The following CREBZF variants were observed in gnomAD, a reference collection of about 807,000 sequenced individuals.
The protein encoded by CREBZF is HCF-binding transcription factor Zhangfei.
In CREBZF, 8 loss-of-function variants were observed where a neutral mutation model predicts 21.1. The ratio of observed to expected loss-of-function variants is 0.38; its 90% confidence interval spans 0.22 to 0.68. The LOEUF (loss-of-function observed/expected upper bound fraction) is 0.68, where lower values mean the gene tolerates loss of function less well. Ranked by LOEUF, CREBZF falls within the 30% of genes least tolerant of loss-of-function variation. The pLI is 0.51. For missense variants in CREBZF, 518 were observed against 484.3 expected (o/e 1.07, Z -0.65); for synonymous variants, 270 against 223.3 (o/e 1.21, Z -1.86).
In CREBZF at chr11:85,663,840, G is replaced by C. The variant is rs2082761398; in HGVS notation, c.1036C>G (p.Arg346Gly). Reference protein sequence around the residue: ...VSVEFCSACARKASSSLKM With the variant: ...VSVEFCSACAGKASSSLKM ...ATTTTAAGAGAAGACGACGCCTTCC[G>C]GGCGCACGCCGAGCAGAACTCCACC... Residue 346 changes from arginine to glycine, a missense_variant, in exon 1 of 1, where the codon CGG becomes GGG. Arg to Gly is a moderately radical substitution (Grantham distance 125). Around this residue, in one of 3 missense-constraint regions of CREBZF, gnomAD observed 114 missense variants for 134.1 expected, o/e 0.85. Coordinates refer to ENST00000527447, the MANE Select transcript of CREBZF (RefSeq NM_001039618.4). 6.2e-7 allele frequency: 1 copy of C among 1,604,112 alleles called. No individual in the cohort carries two copies. Among genetic ancestry groups the C allele is most frequent in the Non-Finnish European group, 8.5e-7 (1 of 1,177,426 alleles).
In CREBZF at chr11:85,664,219, G is replaced by A. The variant is rs898184385; in HGVS notation, c.657C>T (p.Arg219=). 1 of 1,612,760 alleles carries A rather than the reference G, an allele frequency of 6.2e-7. No homozygotes were observed. The highest frequency in any genetic ancestry group is 1.3e-5 in the African/African-American group (1 of 74,962). Residue 219 remains arginine, a synonymous_variant, in exon 1 of 1, where the codon CGC becomes CGT. Coordinates refer to ENST00000527447, the MANE Select transcript of CREBZF (RefSeq NM_001039618.4). The surrounding 1 kb of genome is among the most constrained non-coding windows in gnomAD (Gnocchi z 5.5). The part of the protein sequence containing the change: ...SPRKAAAAAA[R]LNRLKKKEYV... ...ACTCCTTCTTCTTCAGTCGATTAAG[G>A]CGGGCAGCGGCCGCCGCCGCCTTCC...
At chr11:85,670,511 C>A (rs1365361219) in intron 1 of CREBZF, among the ~76,000 whole-genome samples, 1 of 151,978 alleles carries the variant, frequency 6.6e-6, no homozygotes, top group Admixed American at 6.6e-5. Flanking sequence ...ACCATGTTAG[C>A]CAGGATGGTC....
In CREBZF at chr11:85,662,214, T is replaced by C. The variant is rs1210823746; in HGVS notation, c.*1597A>G. ...TTATCTAGCAACAAAACATTTACAG[T>C]TGTGCAAGAACAAGGATTCCATTTT... On this transcript the variant is annotated 3_prime_UTR_variant, in exon 1 of 1. Transcript: ENST00000527447. 3.7e-5 allele frequency: 21 copies of C among 574,140 alleles called. No individual in the cohort carries two copies. Among genetic ancestry groups the C allele is most frequent in the Middle Eastern group, 4.6e-4 (1 of 2,174 alleles). The allele number at this position is 574,140 out of a possible 1,614,324, so 35.6% of individuals were successfully genotyped here.
In CREBZF at chr11:85,658,453, TAA is replaced by T. The variant is rs2082579582; in HGVS notation, c.*5356_*5357del. ...GGGCAACATAAGCAATAAATCATGT[TAA>T]GTCTGTTGCTACAAATTTACTTTGC... On this transcript the variant is annotated 3_prime_UTR_variant, in exon 1 of 1. Coordinates refer to ENST00000527447, the MANE Select transcript of CREBZF (RefSeq NM_001039618.4). Among the ~76,000 whole-genome samples the T allele has an allele frequency of 6.6e-6, 1 of 152,036 alleles. No homozygotes were observed. Among genetic ancestry groups the T allele is most frequent in the Admixed American group, 6.5e-5 (1 of 15,272 alleles).
In CREBZF at chr11:85,664,467, A is replaced by G; in HGVS notation, c.409T>C (p.Ser137Pro). The G allele has an allele frequency of 6.2e-7, 1 of 1,613,468 alleles. No individual in the cohort carries two copies. The highest frequency in any genetic ancestry group is 8.5e-7 in the Non-Finnish European group (1 of 1,179,876). Residue 137 changes from serine (S) to proline (P), a missense_variant, in exon 1 of 1, where the codon TCG becomes CCG. Around this residue, in one of 3 missense-constraint regions of CREBZF, gnomAD observed 396 missense variants for 324.4 expected, o/e 1.22. Coordinates refer to ENST00000527447, the MANE Select transcript of CREBZF (RefSeq NM_001039618.4). This position sits in a 1 kb window ranked among gnomAD's most constrained non-coding sequence, Gnocchi z 5.5. The part of the protein sequence containing the change: ...PGPLSSSGGG[S>P]DSGGLWRGDD... ...CCTCTCCACAGGCCGCCGCTATCCGAGCCTCCGCCAGACGAGGAGAGAGGC... is the reference window on the plus strand; with the variant it reads ...CCTCTCCACAGGCCGCCGCTATCCGGGCCTCCGCCAGACGAGGAGAGAGGC...
rs2082576805 is a variant in CREBZF at position 85,658,370 on chromosome 11, T to A, written c.*5441A>T. Among the ~76,000 whole-genome samples the A allele has an allele frequency of 6.6e-6, 1 of 152,076 alleles. No individual in the cohort carries two copies. Among genetic ancestry groups the A allele is most frequent in the African/African-American group, 2.4e-5 (1 of 41,454 alleles). ...CAATGGTTTCTGTAACCAAAAAGTA[T>A]TTCTAATATCTGTCCTCTGCCACAT... On this transcript the variant is annotated 3_prime_UTR_variant, in exon 1 of 1. Coordinates refer to ENST00000527447, the MANE Select transcript of CREBZF (RefSeq NM_001039618.4).
At position 85,676,970 on chromosome 11, in the gene CREBZF, C is replaced by CTTTTTTTTTTTTTTTTTTTTTTTTT. The variant is rs1422368391; in HGVS notation, n.147+5746_147+5747insAAAAAAAAAAAAAAAAAAAAAAAAA. On this transcript the variant is annotated intron_variant and non_coding_transcript_variant, in intron 1 of 3. Coordinates refer to the CREBZF transcript ENST00000531515. ...TAAAGTAATTTTTTTCTTTTTCTGTCTTTTTTTTTTTGAGACAGAATGTCA... is the reference window on the plus strand; with the variant it reads ...TAAAGTAATTTTTTTCTTTTTCTGTCTTTTTTTTTTTTTTTTTTTTTTTTTTTTTTTTTTTTGAGACAGAATGTCA... Among the ~76,000 whole-genome samples the CTTTTTTTTTTTTTTTTTTTTTTTTT allele has an allele frequency of 8.4e-5, 10 of 118,636 alleles. 1 individual carries two copies. The highest frequency in any genetic ancestry group is 8.4e-5 in the Non-Finnish European group (5 of 59,420). The allele number at this position is 118,636 out of a possible 152,430, so 77.8% of individuals were successfully genotyped here.
chr11:85,658,264 A>G lies in CREBZF; in HGVS notation c.*5547T>C, dbSNP rs905174873. On this transcript the variant is annotated 3_prime_UTR_variant, in exon 1 of 1. Transcript: ENST00000527447. Reference sequence around the variant, plus strand: ...TAAGTTCTTTGACGATTGAGCACACATTGTTTCCTTACTTATCTTTAAACA... The same window carrying G: ...TAAGTTCTTTGACGATTGAGCACACGTTGTTTCCTTACTTATCTTTAAACA... Among the ~76,000 whole-genome samples the G allele has an allele frequency of 2.0e-5, 3 of 152,034 alleles. No homozygotes were observed. Among genetic ancestry groups the G allele is most frequent in the Non-Finnish European group, 4.4e-5 (3 of 67,892 alleles).
rs2082768392 is a variant in CREBZF, at chr11:85,663,994, C to T, written c.882G>A (p.Ser294=). 9.3e-6 allele frequency: 15 copies of T among 1,612,844 alleles called. No individual in the cohort carries two copies. Among genetic ancestry groups the T allele is most frequent in the Non-Finnish European group, 1.3e-5 (15 of 1,179,914 alleles). The change falls in exon 1 of 1, where the codon TCG becomes TCA. Residue 294 remains serine (S), a synonymous_variant. Coordinates refer to ENST00000527447, the MANE Select transcript of CREBZF (RefSeq NM_001039618.4). ...CACCGGCGGGCGAGTCTCTGAAGAG[C>T]GAGGTGGTCAGCCGCAGTCCCACGC... ...LSGVGLRLTT[S]LFRDSPAGDH...
intron 1 of CREBZF, among the ~76,000 whole-genome samples, chr11:85,674,455 C>T (rs2082930423): frequency 6.6e-6 from 1 of 152,188 alleles, no homozygotes; most frequent in Non-Finnish European, 1.5e-5. Flanking sequence ...GTCATTCAGG[C>T]TTTGTCATTC....
Position 85,662,438 on chromosome 11 carries a change from T to C in CREBZF, c.*1373A>G, listed in dbSNP as rs2082711976. On this transcript the variant is annotated 3_prime_UTR_variant, in exon 1 of 1. Coordinates refer to ENST00000527447, the MANE Select transcript of CREBZF (RefSeq NM_001039618.4). ...GGCCAGCAGCTGGTCCCGTCTCTTC[T>C]GCCCCAACAGCTGTATCCACTTTAG... The C allele has an allele frequency of 1.4e-6, 1 of 717,244 alleles. No homozygotes were observed. Among genetic ancestry groups the C allele is most frequent in the Non-Finnish European group, 2.6e-6 (1 of 384,890 alleles). 44.4% of individuals were successfully genotyped at this position (717,244 alleles called of 1,614,324 possible).
Position 85,664,228 on chromosome 11 carries a change from G to T in CREBZF, c.648C>A (p.Ala216=). 1.2e-6 allele frequency: 2 copies of T among 1,612,456 alleles called. No homozygotes were observed. Among genetic ancestry groups the T allele is most frequent in the Non-Finnish European group, 1.7e-6 (2 of 1,179,734 alleles). The change falls in exon 1 of 1, where the codon GCC becomes GCA. Residue 216 remains alanine (A), a synonymous_variant. Coordinates refer to ENST00000527447, the MANE Select transcript of CREBZF (RefSeq NM_001039618.4). The surrounding 1 kb of genome is among the most constrained non-coding windows in gnomAD (Gnocchi z 5.5). The part of the protein sequence containing the change: ...ATKSPRKAAA[A]AARLNRLKKK... Reference sequence around the variant, plus strand: ...TCTTCAGTCGATTAAGGCGGGCAGCGGCCGCCGCCGCCTTCCGGGGACTCT... The same window carrying T: ...TCTTCAGTCGATTAAGGCGGGCAGCTGCCGCCGCCGCCTTCCGGGGACTCT...
chr11:85,663,546 T>C lies in CREBZF; in HGVS notation c.*265A>G. ...TACCAGGTTGTGAGGCGGGAACGACTGTTCTGTAACCCCTACAACGGAGCC... is the reference window on the plus strand; with the variant it reads ...TACCAGGTTGTGAGGCGGGAACGACCGTTCTGTAACCCCTACAACGGAGCC... On this transcript the variant is annotated 3_prime_UTR_variant, in exon 1 of 1. Transcript: ENST00000527447. 1 of 1,345,890 alleles carries C rather than the reference T, an allele frequency of 7.4e-7. No individual in the cohort carries two copies. The highest frequency in any genetic ancestry group is 1.0e-6 in the Non-Finnish European group (1 of 960,228). 83.4% of individuals were successfully genotyped at this position (1,345,890 alleles called of 1,614,324 possible).
At position 85,663,335 on chromosome 11, in the gene CREBZF, G is replaced by A. The variant is rs1591479225; in HGVS notation, c.*476C>T. ...ATTAATAGCTATTTCAACCAGAAGA[G>A]GCATCTTAAATACATTCTTGACCAG... is the stretch of plus-strand genomic sequence containing the variant. On this transcript the variant is annotated 3_prime_UTR_variant, in exon 1 of 1. Transcript: ENST00000527447. The A allele has an allele frequency of 1.7e-6, 1 of 605,908 alleles. No individual in the cohort carries two copies. Among genetic ancestry groups the A allele is most frequent in the Admixed American group, 2.9e-5 (1 of 33,902 alleles). 37.5% of individuals were successfully genotyped at this position (605,908 alleles called of 1,614,324 possible). A position where few individuals can be genotyped will look rare whatever the true frequency, so the allele number is the denominator to read the frequency against.
Position 85,661,373 on chromosome 11 carries a change from A to T in CREBZF, c.*2438T>A, listed in dbSNP as rs1279686194. 1.3e-5 allele frequency: 2 copies of T among 152,596 alleles called. No individual in the cohort carries two copies. The highest frequency in any genetic ancestry group is 2.4e-5 in the African/African-American group (1 of 41,466). 9.5% of individuals were successfully genotyped at this position (152,596 alleles called of 1,614,324 possible). A position where few individuals can be genotyped will look rare whatever the true frequency, so the allele number is the denominator to read the frequency against. ...ACTGAGAAAAGACAGTTAATAAAAC[A>T]TAAGGAACCTAACAAAGCAGCTTTA... is the stretch of plus-strand genomic sequence containing the variant. On this transcript the variant is annotated 3_prime_UTR_variant, in exon 1 of 1. Coordinates refer to ENST00000527447, the MANE Select transcript of CREBZF (RefSeq NM_001039618.4).
chr11:85,666,134 T>C (rs1272404882), upstream of CREBZF, among the ~76,000 whole-genome samples: 2 of 152,220 alleles, frequency 1.3e-5, no homozygotes, highest in African/African-American at 4.8e-5. Context: ...GTTTTCCCAC[T>C]GAAATGCTCC....
Position 85,664,665 on chromosome 11 carries a change from C to A in CREBZF, c.211G>T (p.Gly71Cys), listed in dbSNP as rs1381461910. Reference sequence around the variant, plus strand: ...GAGGGCGCGCGCACGGCCACGCCGCCGCGGCTCCCCCTCCCGGCTTCCAAC... The same window carrying A: ...GAGGGCGCGCGCACGGCCACGCCGCAGCGGCTCCCCCTCCCGGCTTCCAAC... ...GELEAGRGSR[G>C]GVAVRAPSPE... Residue 71 changes from glycine (G) to cysteine (C), a missense_variant, in exon 1 of 1, where the codon GGC (glycine) becomes TGC (cysteine). This residue lies in a region of CREBZF where 396 missense variants were observed against 324.4 expected (regional missense o/e 1.22). Coordinates refer to ENST00000527447, the MANE Select transcript of CREBZF (RefSeq NM_001039618.4). This position sits in a 1 kb window ranked among gnomAD's most constrained non-coding sequence, Gnocchi z 5.5. 1 of 1,603,546 alleles carries A rather than the reference C, an allele frequency of 6.2e-7. No homozygotes were observed. The highest frequency in any genetic ancestry group is 8.5e-7 in the Non-Finnish European group (1 of 1,174,838).
At chr11:85,669,056 T>A, upstream of CREBZF, among the ~76,000 whole-genome samples, 1 of 143,054 alleles carries the variant, frequency 7.0e-6, no homozygotes, top group African/African-American at 2.6e-5. Flanking sequence ...CATGCTCCTA[T>A]TTGTATTTTA....
intron 1 of CREBZF, among the ~76,000 whole-genome samples, chr11:85,675,218 G>C (rs2082934696): frequency 6.6e-6 from 1 of 152,012 alleles, no homozygotes. Context: ...TGGCTAACTG[G>C]TGCAAAAGAC....
Sources: gnomAD v4.1 joint callset for allele counts (sites outside exome capture counted in the v4.1 genomes callset) on GRCh38, gnomAD v4.1.1 for gene constraint, gnomAD v4.1.1 regional missense constraint, Gnocchi (gnomAD v3.1) non-coding constraint, MANE v1.5 for transcripts, NCBI Gene and HGNC (gene_info 2026-07-23, HGNC 2026-07-21) for gene names.